Variants in SLC35F2 observed in about 807,000 individuals in gnomAD.
The protein encoded by SLC35F2 is queuine/queuosine transporter SLC35F2.
A neutral mutation model predicts 38.1 loss-of-function variants in SLC35F2; 25 were observed. The observed-to-expected ratio is 0.66, with a 90% CI of 0.48 to 0.92. The LOEUF (loss-of-function observed/expected upper bound fraction) is 0.92. Among genes scored for constraint, SLC35F2 ranks in the 40% least tolerant of loss-of-function variants. The probability of loss-of-function intolerance (pLI) is 0.00; values close to 1 mark genes in which losing one functional copy is unlikely to be tolerated. For missense variants in SLC35F2, 409 were observed against 452.9 expected (o/e 0.90, Z 0.88); for synonymous variants, 173 against 181.7 (o/e 0.95, Z 0.38).
At chr11:107,849,079 GTTAC>G in intron 1 of SLC35F2, among the ~76,000 whole-genome samples, 1 of 152,196 alleles carries the variant, frequency 6.6e-6, no homozygotes. Context: ...TCCTGGGTAA[GTTAC>G]TTACCTGCTC....
chr11:107,800,903 C>CTTTTTTTTTTTTTTTTTTTTT (rs71303238), intron 7 of SLC35F2, among the ~76,000 whole-genome samples: 1 of 126,202 alleles, frequency 7.9e-6, no homozygotes, highest in African/African-American at 3.2e-5. Flanking sequence ...GCTATTACTA[C>CTTTTTTTTTTTTTTTTTTTTT]TTTTTTTTTT....
intron 1 of SLC35F2, among the ~76,000 whole-genome samples, chr11:107,820,768 T>C (rs906817623): frequency 6.6e-6 from 1 of 152,184 alleles, no homozygotes; most frequent in African/African-American, 2.4e-5. Flanking sequence ...CCAACCTGGC[T>C]GACATAGTGA....
At chr11:107,836,818 T>C (rs950540794) in intron 1 of SLC35F2, among the ~76,000 whole-genome samples, 10 of 152,234 alleles carry the variant, frequency 6.6e-5, no homozygotes, top group Non-Finnish European at 1.2e-4. Context: ...TAATTTGTTA[T>C]GACAGCAATA....
intron 1 of SLC35F2, among the ~76,000 whole-genome samples, chr11:107,853,880 G>C (rs1029582386): frequency 6.6e-6 from 1 of 152,016 alleles, no homozygotes; most frequent in South Asian, 2.1e-4. Context: ...GTTTTTGCTA[G>C]AGATATAAAG....
intron 1 of SLC35F2, among the ~76,000 whole-genome samples, chr11:107,854,981 A>C (rs1860254047): frequency 6.6e-6 from 1 of 152,196 alleles, no homozygotes; most frequent in African/African-American, 2.4e-5. Flanking sequence ...AAAGCTACTC[A>C]AACTTGGGAC....
intron 1 of SLC35F2, among the ~76,000 whole-genome samples, chr11:107,840,302 A>G (rs1043555926): frequency 2.0e-5 from 3 of 152,206 alleles, no homozygotes; most frequent in Admixed American, 6.5e-5. Flanking sequence ...AAGAGAGTAC[A>G]TCCCTGAGAC....
At chr11:107,840,183 C>T (rs1479979336) in intron 1 of SLC35F2, among the ~76,000 whole-genome samples, 1 of 152,168 alleles carries the variant, frequency 6.6e-6, no homozygotes, top group African/African-American at 2.4e-5. Flanking sequence ...CACAGAGGAG[C>T]TCCAGGAGGG....
intron 6 of SLC35F2, chr11:107,803,466 C>T (rs747907421): frequency 1.0e-6 from 1 of 985,036 alleles, no homozygotes; most frequent in Non-Finnish European, 1.2e-6. Flanking sequence ...CCTGCCAGGA[C>T]AGCGATGCCT....
At chr11:107,847,544 C>T (rs148206096) in intron 1 of SLC35F2, among the ~76,000 whole-genome samples, 90 of 152,244 alleles carry the variant, frequency 5.9e-4, no homozygotes, top group African/African-American at 2.1e-3. Flanking sequence ...AGATCTGTGC[C>T]AGGCATAAAG....
intron 1 of SLC35F2, among the ~76,000 whole-genome samples, chr11:107,820,757 AC>A: frequency 6.6e-6 from 1 of 152,128 alleles, no homozygotes; most frequent in East Asian, 1.9e-4. Context: ...GGAGTTCAAG[AC>A]CAACCTGGCT....
intron 1 of SLC35F2, among the ~76,000 whole-genome samples, chr11:107,827,515 G>A (rs182628088): frequency 4.6e-5 from 7 of 152,196 alleles, no homozygotes; most frequent in Non-Finnish European, 7.4e-5. Flanking sequence ...TCAGGAGGCC[G>A]GGGCGGGAGG....
At chr11:107,826,674 A>C (rs1275172577) in intron 1 of SLC35F2, among the ~76,000 whole-genome samples, 1 of 152,230 alleles carries the variant, frequency 6.6e-6, no homozygotes, top group Non-Finnish European at 1.5e-5. Context: ...ATAACTTATA[A>C]TTATGTAAAA....
chr11:107,833,630 T>G (rs1859885532), intron 1 of SLC35F2, among the ~76,000 whole-genome samples: 1 of 152,076 alleles, frequency 6.6e-6, no homozygotes, highest in Non-Finnish European at 1.5e-5. Flanking sequence ...AGTAGAGTGC[T>G]TTTGCTAACC....
At chr11:107,800,011 C>G (rs968649354) in intron 7 of SLC35F2, among the ~76,000 whole-genome samples, 3 of 151,656 alleles carry the variant, frequency 2.0e-5, no homozygotes, top group African/African-American at 7.3e-5. Flanking sequence ...GCCTCAGCCT[C>G]CTGAGCAGCT....
rs543240632 is a variant in SLC35F2, at chr11:107,791,407, C to T, written c.*1208G>A. 6.6e-5 allele frequency: 10 copies of T among 152,100 alleles called. No homozygotes were observed. The highest frequency in any genetic ancestry group is 1.3e-4 in the Non-Finnish European group (9 of 68,008). The allele number at this position is 152,100 out of a possible 1,614,324, so 9.4% of individuals were successfully genotyped here. A position where few individuals can be genotyped will look rare whatever the true frequency, so the allele number is the denominator to read the frequency against. On this transcript the variant is annotated 3_prime_UTR_variant, in exon 8 of 8. Transcript: ENST00000525815. ...GATCAATAGGAATATTCCAGGAGGT[C>T]GTGAGAAGTTTTTAGAAAGGATGGC...
intron 1 of SLC35F2, among the ~76,000 whole-genome samples, chr11:107,834,231 G>A (rs553140290): frequency 1.3e-5 from 2 of 152,302 alleles, no homozygotes; most frequent in African/African-American, 4.8e-5. Context: ...CTTATTTACA[G>A]GAGAAGCAAG....
At position 107,792,638 on chromosome 11, in the gene SLC35F2, C is replaced by T. The variant is rs750973210; in HGVS notation, c.1102G>A (p.Glu368Lys). 3 of 1,612,630 alleles carry T rather than the reference C, an allele frequency of 1.9e-6. No homozygotes were observed. Among genetic ancestry groups the T allele is most frequent in the South Asian group, 2.2e-5 (2 of 90,736 alleles). Residue 368 changes from glutamate to lysine, a missense_variant, in exon 8 of 8, where the codon GAG becomes AAG. Glu to Lys is a moderately conservative substitution (Grantham distance 56). Coordinates refer to ENST00000525815, the MANE Select transcript of SLC35F2 (RefSeq NM_017515.5). ...AGCTACAAGACAGCAGAGTGGGTCT[C>T]CTGGAGGTTCTCCTCCAGCTTCAGC... The part of the protein sequence containing the change: ...LGLKLEENLQ[E>K]THSAVL
chr11:107,846,297 C>T (rs979243936), intron 1 of SLC35F2, among the ~76,000 whole-genome samples: 1 of 151,676 alleles, frequency 6.6e-6, no homozygotes, highest in East Asian at 1.9e-4. Flanking sequence ...CGCCCATGAA[C>T]GTATTGTTGC....
intron 1 of SLC35F2, among the ~76,000 whole-genome samples, chr11:107,819,419 C>T (rs73001554): frequency 0.055 from 8,381 of 152,202 alleles, 464 homozygotes; most frequent in African/African-American, 0.14. Context: ...ATGAGCAAAA[C>T]GTTAAGGATT....
Sources: allele counts gnomAD v4.1 joint callset (sites outside exome capture counted in the v4.1 genomes callset), GRCh38; gene constraint gnomAD v4.1.1; transcripts MANE v1.5; gene names NCBI Gene and HGNC (gene_info 2026-07-23, HGNC 2026-07-21).